The following PRKG1 variants were observed in gnomAD, a reference collection of about 807,000 sequenced individuals.
PRKG1 encodes protein kinase cGMP-dependent 1.
In PRKG1, 35 loss-of-function variants were observed where a neutral mutation model predicts 88.1. The observed-to-expected ratio is 0.40, with a 90% confidence interval of 0.30 to 0.53. The LOEUF (loss-of-function observed/expected upper bound fraction) is 0.53. PRKG1 is among the 20% of genes least tolerant of loss of function. PRKG1 has a pLI of 0.59. For synonymous variants in PRKG1, 303 were observed against 292.5 expected, an observed-to-expected ratio of 1.04 and a Z score of -0.37; for missense variants, 540 against 839.8, an observed-to-expected ratio of 0.64 and a Z score of 4.41.
chr10:51,692,236 A>ATTT (rs1159984893), intron 3 of PRKG1, among the ~76,000 whole-genome samples: 2,452 of 138,236 alleles, frequency 0.018, 66 homozygotes, highest in African/African-American at 0.069. Context: ...GGCCTTTTTA[A>ATTT]AAAAAAAAAA....
At chr10:51,677,707 A>G (rs2132361090) in intron 3 of PRKG1, among the ~76,000 whole-genome samples, 1 of 152,338 alleles carries the variant, frequency 6.6e-6, no homozygotes, top group East Asian at 1.9e-4. Flanking sequence ...AATGCCAGCC[A>G]CTAAAGCAGA....
intron 7 of PRKG1, among the ~76,000 whole-genome samples, chr10:52,129,564 C>T (rs1179459070): frequency 4.6e-5 from 7 of 152,188 alleles, no homozygotes; most frequent in African/African-American, 1.7e-4. Context: ...CAGACACCCT[C>T]TTAGAGAGCT....
intron 3 of PRKG1, among the ~76,000 whole-genome samples, chr10:51,718,168 C>T (rs1017989402): frequency 6.6e-6 from 1 of 152,170 alleles, no homozygotes; most frequent in African/African-American, 2.4e-5. Context: ...ACAATAATGG[C>T]TACTATGTAA....
rs1840132396 is a variant in PRKG1, at chr10:52,217,193, C to A, written c.1077-34377C>A. ...CCTCCTTCCACCTCTTAGTTGTAAG[C>A]CTACTAAGGAGTAAGTTTATCCTAC... On this transcript the variant is annotated intron_variant, in intron 9 of 17. Coordinates refer to ENST00000373980, the MANE Select transcript of PRKG1 (RefSeq NM_006258.4). Among the ~76,000 whole-genome samples the A allele has an allele frequency of 1.3e-5, 2 of 152,074 alleles. 1 individual carries two copies. The highest frequency in any genetic ancestry group is 4.8e-5 in the African/African-American group (2 of 41,414).
intron 5 of PRKG1, among the ~76,000 whole-genome samples, chr10:51,912,114 C>G (rs1248758978): frequency 1.3e-5 from 2 of 152,300 alleles, no homozygotes; most frequent in East Asian, 3.9e-4. Flanking sequence ...AAACCAAGAT[C>G]TAAATGAACG....
intron 3 of PRKG1, among the ~76,000 whole-genome samples, chr10:51,545,565 T>G (rs1842425468): frequency 1.3e-5 from 2 of 152,130 alleles, no homozygotes; most frequent in South Asian, 4.1e-4. Context: ...AGCTTAAAAA[T>G]AACTTACACA....
intron 5 of PRKG1, among the ~76,000 whole-genome samples, chr10:51,926,161 G>A (rs1400476950): frequency 6.6e-6 from 1 of 152,090 alleles, no homozygotes; most frequent in Non-Finnish European, 1.5e-5. Context: ...CAGGTTTAAG[G>A]AAAAAATTTA....
At chr10:51,652,779 A>G (rs1490531445) in intron 3 of PRKG1, among the ~76,000 whole-genome samples, 1 of 152,220 alleles carries the variant, frequency 6.6e-6, no homozygotes, top group East Asian at 1.9e-4. Flanking sequence ...AATATGCATT[A>G]CTATTAACTA....
chr10:52,100,240 T>G (rs1213221296), intron 7 of PRKG1, among the ~76,000 whole-genome samples: 1 of 152,188 alleles, frequency 6.6e-6, no homozygotes, highest in Non-Finnish European at 1.5e-5. Context: ...TAGTATATTT[T>G]AATAATTGAT....
At chr10:51,034,666 A>T (rs1379122329) in intron 1 of PRKG1, among the ~76,000 whole-genome samples, 21 of 25,756 alleles carry the variant, frequency 8.2e-4, no homozygotes, top group African/African-American at 3.6e-3. Flanking sequence ...ATAATATGTT[A>T]TTTATATATA....
At chr10:51,622,894 T>A (rs1839244874) in intron 3 of PRKG1, among the ~76,000 whole-genome samples, 1 of 152,236 alleles carries the variant, frequency 6.6e-6, no homozygotes, top group Admixed American at 6.5e-5. Context: ...GCTAAGATAC[T>A]ATTTGTTCAT....
intron 2 of PRKG1, among the ~76,000 whole-genome samples, chr10:51,269,586 C>T (rs1839924792): frequency 6.6e-6 from 1 of 152,048 alleles, no homozygotes; most frequent in Non-Finnish European, 1.5e-5. Context: ...GAGTTGGAGA[C>T]CATTATTCTA....
intron 3 of PRKG1, among the ~76,000 whole-genome samples, chr10:51,745,507 C>T (rs1026229659): frequency 8.6e-5 from 13 of 152,042 alleles, no homozygotes; most frequent in African/African-American, 3.1e-4. Flanking sequence ...TTTTTAGATA[C>T]ATTAAATTAT....
intron 2 of PRKG1, among the ~76,000 whole-genome samples, chr10:51,330,403 G>A (rs1233527368): frequency 2.0e-5 from 3 of 152,008 alleles, no homozygotes; most frequent in African/African-American, 7.2e-5. Flanking sequence ...CACCTGCCTT[G>A]ACCTCCCAAA....
At chr10:52,032,325 A>C (rs1193039986) in intron 5 of PRKG1, among the ~76,000 whole-genome samples, 1 of 152,200 alleles carries the variant, frequency 6.6e-6, no homozygotes, top group Non-Finnish European at 1.5e-5. Flanking sequence ...TTGGATTTAA[A>C]TTTTATTTCC....
At chr10:51,933,109 T>C (rs752541122) in intron 5 of PRKG1, among the ~76,000 whole-genome samples, 1 of 152,102 alleles carries the variant, frequency 6.6e-6, no homozygotes, top group Non-Finnish European at 1.5e-5. Context: ...AGATGCAAGA[T>C]GTCATGTGCG....
At chr10:51,399,735 T>G (rs552070464) in intron 2 of PRKG1, among the ~76,000 whole-genome samples, 7 of 152,206 alleles carry the variant, frequency 4.6e-5, no homozygotes, top group African/African-American at 1.7e-4. Context: ...CACAGAGAAG[T>G]GGGGTCAATG....
At chr10:51,884,519 T>C (rs1232298890) in intron 4 of PRKG1, among the ~76,000 whole-genome samples, 1 of 144,374 alleles carries the variant, frequency 6.9e-6, no homozygotes, top group African/African-American at 2.6e-5. Context: ...CCACAGAGGT[T>C]GTTTTGTGTC....
Position 51,436,713 on chromosome 10 carries a change from G to A in PRKG1, c.479-31010G>A, listed in dbSNP as rs188641835. On this transcript the variant is annotated intron_variant, in intron 2 of 17. Transcript: ENST00000373980. ...GTGAAGTCTCAAAATGTTTAATTTG[G>A]CTTGCTGGAATCTCAATTTTAGACT... 1.3e-4 allele frequency among the ~76,000 whole-genome samples: 20 copies of A among 152,076 alleles called. No individual in the cohort carries two copies. In the East Asian group the frequency reaches 3.1e-3, roughly 24 times the overall value.
Sources: gnomAD v4.1 joint callset for allele counts (sites outside exome capture counted in the v4.1 genomes callset) on GRCh38, gnomAD v4.1.1 for gene constraint, MANE v1.5 for transcripts, NCBI Gene and HGNC (gene_info 2026-07-23, HGNC 2026-07-21) for gene names.